Variants in DAB1 observed in about 807,000 individuals in gnomAD.
DAB1 encodes disabled homolog 1.
Under a neutral mutation model 64.6 loss-of-function variants are expected in DAB1, and 15 were observed. The ratio of observed to expected loss-of-function variants is 0.23; its 90% CI spans 0.16 to 0.36. The LOEUF (loss-of-function observed/expected upper bound fraction) is 0.36, where lower values mean the gene tolerates loss of function less well. Ranked by LOEUF, DAB1 falls within the 10% of genes least tolerant of loss-of-function variation. The pLI is 1.00. For missense variants in DAB1, 596 were observed against 706.7 expected (o/e 0.84, Z 1.78); for synonymous variants, 235 against 251.9 (o/e 0.93, Z 0.64).
At chr1:57,217,906 G>A (rs1014324134) in intron 2 of DAB1, among the ~76,000 whole-genome samples, 22 of 151,958 alleles carry the variant, frequency 1.4e-4, no homozygotes, top group Non-Finnish European at 2.5e-4. Context: ...CGTAATCACC[G>A]TTCATTCATT....
intron 2 of DAB1, among the ~76,000 whole-genome samples, chr1:57,234,067 A>G (rs180886221): frequency 4.6e-5 from 7 of 152,348 alleles, no homozygotes; most frequent in African/African-American, 1.7e-4. Context: ...AATACTGTTC[A>G]ATGTTGTTTC....
chr1:57,684,250 T>C (rs1031393545), intron 6 of DAB1, among the ~76,000 whole-genome samples: 8 of 152,076 alleles, frequency 5.3e-5, no homozygotes, highest in Non-Finnish European at 1.0e-4. Context: ...AGGTTGACAT[T>C]CAAATTCAAG....
intron 5 of DAB1, among the ~76,000 whole-genome samples, chr1:58,051,610 G>A (rs564269139): frequency 1.3e-5 from 2 of 152,270 alleles, no homozygotes; most frequent in South Asian, 4.2e-4. Flanking sequence ...CTAGATCCTT[G>A]AGGAATCGCC....
rs545405334 is a variant in DAB1 at position 58,492,367 on chromosome 1, G to A, written n.257+13693C>T. Among the ~76,000 whole-genome samples the A allele has an allele frequency of 2.0e-3, 304 of 152,150 alleles. 1 individual carries two copies. Among genetic ancestry groups the A allele is most frequent in the Non-Finnish European group, 2.8e-3 (189 of 67,994 alleles). On this transcript the variant is annotated intron_variant and non_coding_transcript_variant, in intron 3 of 20. Coordinates refer to the DAB1 transcript ENST00000485760. ...ACAATTAAAAGAACTAGAGAAGCAA[G>A]AGCAAACACATTCAAAAGCTAGCAG... is the stretch of plus-strand genomic sequence containing the variant.
At chr1:58,398,547 A>G (rs1389285481) in intron 3 of DAB1, among the ~76,000 whole-genome samples, 1 of 152,256 alleles carries the variant, frequency 6.6e-6, no homozygotes, top group African/African-American at 2.4e-5. Flanking sequence ...CGTAGAGTAT[A>G]ATAACCTACA....
At chr1:58,441,911 T>C (rs894316255) in intron 3 of DAB1, among the ~76,000 whole-genome samples, 4 of 152,072 alleles carry the variant, frequency 2.6e-5, no homozygotes, top group Non-Finnish European at 4.4e-5. Flanking sequence ...GAGAGAGTAA[T>C]TGAGGGCATC....
chr1:57,787,889 C>A (rs1384048968), intron 6 of DAB1, among the ~76,000 whole-genome samples: 1 of 151,340 alleles, frequency 6.6e-6, no homozygotes, highest in South Asian at 2.1e-4. Flanking sequence ...GATGAGAATA[C>A]CAAATAAGCC....
intron 9 of DAB1, among the ~76,000 whole-genome samples, chr1:57,031,744 G>T (rs1646972044): frequency 6.6e-6 from 1 of 152,228 alleles, no homozygotes; most frequent in Admixed American, 6.5e-5. Context: ...TTGCTAGGAG[G>T]TCTTCCATGA....
At chr1:57,256,272 A>C (rs1558035307) in intron 2 of DAB1, among the ~76,000 whole-genome samples, 1 of 152,206 alleles carries the variant, frequency 6.6e-6, no homozygotes, top group African/African-American at 2.4e-5. Flanking sequence ...AGATCACAAA[A>C]GTTGTTAAAT....
At chr1:58,227,374 G>C (rs1659547266) in intron 4 of DAB1, among the ~76,000 whole-genome samples, 1 of 152,188 alleles carries the variant, frequency 6.6e-6, no homozygotes. Flanking sequence ...GAGGAAATTT[G>C]GTTGAGCGAG....
chr1:57,971,213 G>T (rs1459358740), intron 5 of DAB1, among the ~76,000 whole-genome samples: 1 of 152,140 alleles, frequency 6.6e-6, no homozygotes, highest in Non-Finnish European at 1.5e-5. Flanking sequence ...TTCAACAATT[G>T]CTGAGTTTCC....
chr1:57,022,115 T>C (rs1437219416), intron 11 of DAB1, among the ~76,000 whole-genome samples: 1 of 152,218 alleles, frequency 6.6e-6, no homozygotes, highest in African/African-American at 2.4e-5. Flanking sequence ...CCCAAGCACC[T>C]ACACAGGACC....
At chr1:57,650,375 A>G (rs1341193043) in intron 6 of DAB1, among the ~76,000 whole-genome samples, 1 of 152,124 alleles carries the variant, frequency 6.6e-6, no homozygotes. Flanking sequence ...TTCCTTCTTG[A>G]GGAAACAATT....
intron 5 of DAB1, among the ~76,000 whole-genome samples, chr1:58,141,224 T>A (rs556834232): frequency 5.9e-5 from 9 of 152,272 alleles, no homozygotes; most frequent in Admixed American, 2.6e-4. Context: ...AAAGAGGTTT[T>A]ATTGACTCAC....
At chr1:58,492,744 T>A (rs1479998302) in intron 3 of DAB1, among the ~76,000 whole-genome samples, 2 of 152,058 alleles carry the variant, frequency 1.3e-5, no homozygotes, top group Non-Finnish European at 2.9e-5. Flanking sequence ...AAGAGACCAA[T>A]AACAGGATCT....
chr1:58,050,902 G>T (rs1371280822), intron 5 of DAB1, among the ~76,000 whole-genome samples: 1 of 152,112 alleles, frequency 6.6e-6, no homozygotes, highest in African/African-American at 2.4e-5. Flanking sequence ...CTTTTCCTAA[G>T]TATCCATAAT....
At chr1:57,072,657 A>G (rs940736009) in intron 4 of DAB1, among the ~76,000 whole-genome samples, 1 of 152,222 alleles carries the variant, frequency 6.6e-6, no homozygotes, top group African/African-American at 2.4e-5. Context: ...AGCATCTGCA[A>G]CAGTGGCTTT....
intron 6 of DAB1, among the ~76,000 whole-genome samples, chr1:57,808,552 AG>A (rs1296864604): frequency 6.6e-6 from 1 of 152,178 alleles, no homozygotes; most frequent in Non-Finnish European, 1.5e-5. Flanking sequence ...GAATTTACTT[AG>A]GGTAGAATGG....
chr1:58,541,293 C>CAAAAAAA (rs71043292), intron 1 of DAB1, among the ~76,000 whole-genome samples: 7 of 27,568 alleles, frequency 2.5e-4, no homozygotes, highest in Non-Finnish European at 4.8e-4. Context: ...GACTCTGTCT[C>CAAAAAAA]AAAAAAAAAA....
Sources: allele counts gnomAD v4.1 joint callset (sites outside exome capture counted in the v4.1 genomes callset), GRCh38; gene constraint gnomAD v4.1.1; transcripts MANE v1.5; gene names NCBI Gene and HGNC (gene_info 2026-07-23, HGNC 2026-07-21).